The following CRIP2 variants were observed in gnomAD, a reference collection of about 807,000 sequenced individuals.
CRIP2 encodes the protein cysteine rich protein 2.
A neutral mutation model predicts 31.3 loss-of-function variants in CRIP2; 31 were observed. The ratio of observed to expected loss-of-function variants is 0.99; its 90% CI spans 0.74 to 1.34. The LOEUF is 1.34. Ranked by LOEUF, CRIP2 falls within the 40% of genes most tolerant of loss-of-function variation. The pLI, the probability that CRIP2 is intolerant of heterozygous loss-of-function variation, is 0.00. For synonymous variants in CRIP2, 177 were observed against 127.2 expected (o/e 1.39, Z -2.63); for missense variants, 389 against 301.6 (o/e 1.29, Z -2.15).
upstream of CRIP2, chr14:105,473,470 G>T: frequency 1.3e-6 from 2 of 1,535,704 alleles, no homozygotes; most frequent in Non-Finnish European, 1.7e-6. Context: ...AGGGCCTCTG[G>T]TTGGCTCACA....
Position 105,478,854 on chromosome 14 carries a change from C to T in CRIP2, c.320C>T (p.Pro107Leu), listed in dbSNP as rs1212893612. The change falls in exon 4 of 8, where the codon CCG becomes CTG. Residue 107 changes from proline to leucine, a missense_variant. Coordinates refer to ENST00000329146, the MANE Select transcript of CRIP2 (RefSeq NM_001312.4). This position sits in a 1 kb window ranked among gnomAD's most constrained non-coding sequence, Gnocchi z 4.9. ...RAEERKASGPPKGPSRASSVT... is the reference protein window; with the variant it reads ...RAEERKASGPLKGPSRASSVT... ...GAGGAGCGGAAGGCGAGCGGCCCCC[C>T]GAAGGGGCCCAGCAGAGGTGGGCTG... is the stretch of plus-strand genomic sequence containing the variant. 1.3e-5 allele frequency: 19 copies of T among 1,426,612 alleles called. No homozygotes were observed. The Admixed American group carries it at 4.3e-4, about 32-fold the overall frequency. 88.4% of individuals were successfully genotyped at this position (1,426,612 alleles called of 1,614,324 possible). A position where few individuals can be genotyped will look rare whatever the true frequency, so the allele number is the denominator to read the frequency against.
At chr14:105,479,369 G>T in intron 6 of CRIP2, 67 bp from the exon 7 acceptor site, 4 of 1,604,132 alleles carry the variant, frequency 2.5e-6, no homozygotes, top group Non-Finnish European at 3.4e-6. Context: ...GCACGTTCTG[G>T]AAGCCTCCAG....
chr14:105,478,215 G>T lies in CRIP2; in HGVS notation c.44-51G>T, dbSNP rs2083992945. 2.9e-6 allele frequency: 4 copies of T among 1,392,238 alleles called. No homozygotes were observed. Among genetic ancestry groups the T allele is most frequent in the Non-Finnish European group, 3.8e-6 (4 of 1,056,642 alleles). The allele number at this position is 1,392,238 out of a possible 1,614,324, so 86.2% of individuals were successfully genotyped here. A position where few individuals can be genotyped will look rare whatever the true frequency, so the allele number is the denominator to read the frequency against. On this transcript the variant is annotated intron_variant, in intron 1 of 7. Transcript: ENST00000329146. The surrounding 1 kb of genome is among the most constrained non-coding windows in gnomAD (Gnocchi z 4.9). ...GGTGGCTGCCAGGTGGGGGCGGAGG[G>T]GGTGCGGGGCGCGCCCCGGCCCTGA...
intron 5 of CRIP2, 22 bp downstream of exon 5, chr14:105,479,069 G>A: frequency 6.4e-7 from 1 of 1,568,778 alleles, no homozygotes. Flanking sequence ...CCCGGGCCCC[G>A]GACCCCCGCC....
At chr14:105,474,265 G>C (rs2083887262), upstream of CRIP2, 1 of 150,834 alleles carries the variant, frequency 6.6e-6, no homozygotes, top group African/African-American at 2.4e-5. The surrounding 1 kb of genome is among the most constrained non-coding windows in gnomAD (Gnocchi z 5.1). Flanking sequence ...ACAGGGCTGG[G>C]GGCCGTGCCC....
At position 105,478,910 on chromosome 14, in the gene CRIP2, C is replaced by CTGG; in HGVS notation, c.337+39_337+40insTGG. 6.7e-7 allele frequency: 1 copy of CTGG among 1,487,484 alleles called. No individual in the cohort carries two copies. Among genetic ancestry groups the CTGG allele is most frequent in the Non-Finnish European group, 8.9e-7 (1 of 1,125,922 alleles). 92.1% of individuals were successfully genotyped at this position (1,487,484 alleles called of 1,614,324 possible). A position where few individuals can be genotyped will look rare whatever the true frequency, so the allele number is the denominator to read the frequency against. On this transcript the variant is annotated intron_variant, in intron 4 of 7. Transcript: ENST00000329146. This position sits in a 1 kb window ranked among gnomAD's most constrained non-coding sequence, Gnocchi z 4.9. ...GGGCTGGGGCTGGGGGTTGTGGGCACGCGCGGGCTGGGGCTGGGGGTTGTG... is the reference window on the plus strand; with the variant it reads ...GGGCTGGGGCTGGGGGTTGTGGGCACTGGGCGCGGGCTGGGGCTGGGGGTTGTG...
chr14:105,477,216 G>T, intron 1 of CRIP2: 1 of 957,196 alleles, frequency 1.0e-6, no homozygotes, highest in Non-Finnish European at 1.2e-6. Flanking sequence ...GGCTCCCTAG[G>T]GAGGCCCCTG....
In CRIP2 at chr14:105,479,770, G is replaced by A. The variant is rs1232106854; in HGVS notation, c.*117G>A. 6.0e-6 allele frequency: 7 copies of A among 1,166,562 alleles called. No individual in the cohort carries two copies. The highest frequency in any genetic ancestry group is 4.1e-5 in the Admixed American group (2 of 48,638). 72.3% of individuals were successfully genotyped at this position (1,166,562 alleles called of 1,614,324 possible). On this transcript the variant is annotated 3_prime_UTR_variant, in exon 8 of 8. Transcript: ENST00000329146. ...CCAGTCCTGCCTGCAAGCCCAGGGC[G>A]AGTATTGGAGGAGGGGCAGCCACGG...
intron 6 of CRIP2, 32 bp from the exon 7 acceptor site, chr14:105,479,404 A>C: frequency 1.2e-6 from 2 of 1,610,546 alleles, no homozygotes; most frequent in East Asian, 2.2e-5. Context: ...GAGTCTGTGG[A>C]CTCCTCCCTC....
Position 105,474,883 on chromosome 14 carries a change from G to A in CRIP2, c.21G>A (p.Lys7=). The A allele has an allele frequency of 2.6e-6, 4 of 1,519,720 alleles. No homozygotes were observed. The highest frequency in any genetic ancestry group is 2.6e-6 in the Non-Finnish European group (3 of 1,133,796). The allele number at this position is 1,519,720 out of a possible 1,614,324, so 94.1% of individuals were successfully genotyped here. Residue 7 remains lysine, a synonymous_variant, in exon 1 of 8, where the codon AAG becomes AAA. Transcript: ENST00000329146. This position sits in a 1 kb window ranked among gnomAD's most constrained non-coding sequence, Gnocchi z 5.1. MASKCP[K]CDKTVYFAEK... ...CGACCATGGCCTCCAAATGCCCCAA[G>A]TGCGACAAGACCGTGTACTTCGGTG...
upstream of CRIP2, chr14:105,474,479 G>A (rs1234509364): frequency 1.3e-5 from 2 of 150,362 alleles, no homozygotes; most frequent in East Asian, 2.0e-4. The surrounding 1 kb of genome is among the most constrained non-coding windows in gnomAD (Gnocchi z 5.1). Flanking sequence ...GGCTCCCCGA[G>A]AGCCGAGGGC....
At chr14:105,479,069 G>GGACCCCC (rs1555436685) in intron 5 of CRIP2, 22 bp downstream of exon 5, 2 of 1,568,778 alleles carry the variant, frequency 1.3e-6, no homozygotes, top group African/African-American at 2.7e-5. Flanking sequence ...CCCGGGCCCC[G>GGACCCCC]GACCCCCGCC....
chr14:105,478,357 C>G lies in CRIP2; in HGVS notation c.135C>G (p.Ala45=). The part of the protein sequence containing the change: ...CSKTLTPGGH[A]EHDGKPFCHK... ...AGACGCTGACGCCCGGGGGCCACGC[C>G]GAGGTGAGCCCCACTGCGCGGCGCG... Residue 45 remains alanine (A), a synonymous_variant, in exon 2 of 8, where the codon GCC becomes GCG. Coordinates refer to ENST00000329146, the MANE Select transcript of CRIP2 (RefSeq NM_001312.4). The surrounding 1 kb of genome is among the most constrained non-coding windows in gnomAD (Gnocchi z 4.9). 6.4e-7 allele frequency: 1 copy of G among 1,565,660 alleles called. No homozygotes were observed.
Position 105,478,455 on chromosome 14 carries a change from C to A in CRIP2, c.144C>A (p.Asp48Glu). ...TLTPGGHAEH[D>E]GKPFCHKPCY... is the part of the protein sequence containing the mutation. The stretch of plus-strand genomic sequence containing the variant: ...ACCCGCGCCCCTCTGCGCAGCATGA[C>A]GGGAAGCCGTTCTGCCACAAGCCGT... The change falls in exon 3 of 8, where the codon GAC becomes GAA. Residue 48 changes from aspartate to glutamate, a missense_variant. Coordinates refer to ENST00000329146, the MANE Select transcript of CRIP2 (RefSeq NM_001312.4). The surrounding 1 kb of genome is among the most constrained non-coding windows in gnomAD (Gnocchi z 4.9). The A allele has an allele frequency of 3.1e-6, 5 of 1,605,122 alleles. No individual in the cohort carries two copies. Among genetic ancestry groups the A allele is most frequent in the Admixed American group, 1.7e-5 (1 of 59,740 alleles).
chr14:105,476,046 T>C, intron 1 of CRIP2: 3 of 985,602 alleles, frequency 3.0e-6, no homozygotes, highest in Non-Finnish European at 3.6e-6. Context: ...GGAGTGCTTC[T>C]GGCGTGGCTG....
rs1357024623 is a variant in CRIP2 at position 105,478,499 on chromosome 14, G to A, written c.188G>A (p.Gly63Glu). The A allele has an allele frequency of 6.2e-7, 1 of 1,609,126 alleles. No individual in the cohort carries two copies. The highest frequency in any genetic ancestry group is 8.5e-7 in the Non-Finnish European group (1 of 1,179,062). ...AAGCCGTGCTACGCCACCCTGTTCG[G>A]ACCCAAAGGTGAGCTCCGGCTGCCC... ...CHKPCYATLF[G>E]PKGVNIGGAG... is the part of the protein sequence containing the mutation. The change falls in exon 3 of 8, where the codon GGA becomes GAA. Residue 63 changes from glycine to glutamate, a missense_variant. Coordinates refer to ENST00000329146, the MANE Select transcript of CRIP2 (RefSeq NM_001312.4). This position sits in a 1 kb window ranked among gnomAD's most constrained non-coding sequence, Gnocchi z 4.9.
At position 105,474,828 on chromosome 14, in the gene CRIP2, G is replaced by C. The variant is rs782631571; in HGVS notation, c.-35G>C. 9 of 1,414,268 alleles carry C rather than the reference G, an allele frequency of 6.4e-6. No individual in the cohort carries two copies. In the Admixed American group the frequency reaches 1.8e-4, roughly 28 times the overall value. 87.6% of individuals were successfully genotyped at this position (1,414,268 alleles called of 1,614,324 possible). ...GGGCGGCGGCGGCCCGGAGGAGAAC[G>C]GGCGGAGGGCGCGGGCCGACCGGGC... On this transcript the variant is annotated 5_prime_UTR_variant, in exon 1 of 8. Coordinates refer to ENST00000329146, the MANE Select transcript of CRIP2 (RefSeq NM_001312.4). This position sits in a 1 kb window ranked among gnomAD's most constrained non-coding sequence, Gnocchi z 5.1.
intron 1 of CRIP2, chr14:105,477,257 C>T (rs1280190279): frequency 4.2e-5 from 41 of 985,360 alleles, no homozygotes; most frequent in African/African-American, 5.2e-5. Flanking sequence ...GTCCAGTAGC[C>T]CCAGTGTGGG....
rs1421588992 is a variant in CRIP2, at chr14:105,480,076, C to G, written c.*423C>G. The G allele has an allele frequency of 4.8e-6, 1 of 206,658 alleles. No individual in the cohort carries two copies. The highest frequency in any genetic ancestry group is 5.4e-5 in the Admixed American group (1 of 18,504). 12.8% of individuals were successfully genotyped at this position (206,658 alleles called of 1,614,324 possible). A position where few individuals can be genotyped will look rare whatever the true frequency, so the allele number is the denominator to read the frequency against. ...CCCTCCGGGATCCCCTGCCTGGTGC[C>G]CACACTGCCTCGCAAGCGCTCGCCA... On this transcript the variant is annotated 3_prime_UTR_variant, in exon 8 of 8. Coordinates refer to ENST00000329146, the MANE Select transcript of CRIP2 (RefSeq NM_001312.4).
Sources: allele counts gnomAD v4.1 joint callset, GRCh38; gene constraint gnomAD v4.1.1; non-coding constraint Gnocchi (gnomAD v3.1); transcripts MANE v1.5; gene names NCBI Gene and HGNC (gene_info 2026-07-23, HGNC 2026-07-21).